PHF14: variants seen among roughly 807,000 people sequenced by gnomAD.
The protein encoded by PHF14 is PHD finger protein 14.
PHF14 carries 55 observed loss-of-function variants against 117.9 expected under a neutral mutation model. The observed-to-expected ratio is 0.47, with a 90% CI of 0.38 to 0.58. PHF14 has a LOEUF of 0.58. Ranked by LOEUF, PHF14 falls within the 20% of genes least tolerant of loss-of-function variation. The pLI, the probability that PHF14 is intolerant of heterozygous loss-of-function variation, is 0.00. For missense variants in PHF14, 978 were observed against 1,122.2 expected, an observed-to-expected ratio of 0.87 and a Z score of 1.84; for synonymous variants, 409 against 368.6, an observed-to-expected ratio of 1.11 and a Z score of -1.26.
At chr7:10,996,076 G>T (rs927731964) in intron 4 of PHF14, among the ~76,000 whole-genome samples, 1 of 152,222 alleles carries the variant, frequency 6.6e-6, no homozygotes, top group African/African-American at 2.4e-5. Flanking sequence ...CTGCCAGCAC[G>T]CTGTCACCTA....
intron 10 of PHF14, among the ~76,000 whole-genome samples, chr7:11,037,482 C>T (rs113830762): frequency 0.015 from 2,295 of 152,228 alleles, 46 homozygotes; most frequent in African/African-American, 0.053. Context: ...TGACTCTGTT[C>T]TCTATTTCTA....
chr7:11,165,450 T>C (rs1430113539), intron 17 of PHF14, among the ~76,000 whole-genome samples: 2 of 152,128 alleles, frequency 1.3e-5, no homozygotes, highest in African/African-American at 4.8e-5. Flanking sequence ...ATAAAGGTAC[T>C]TACATCAACA....
At chr7:11,106,771 A>G (rs1266705362) in intron 16 of PHF14, 3 of 984,366 alleles carry the variant, frequency 3.0e-6, no homozygotes, top group African/African-American at 3.5e-5. Context: ...ATTTTTACAC[A>G]GAAATGAAAA....
chr7:11,129,314 G>GAAGAT (rs2128348248), intron 17 of PHF14, among the ~76,000 whole-genome samples: 1 of 152,148 alleles, frequency 6.6e-6, no homozygotes, highest in Non-Finnish European at 1.5e-5. Flanking sequence ...AAAAGACCAA[G>GAAGAT]AAGATATCTG....
chr7:11,118,230 T>C lies in PHF14; in HGVS notation c.2772+6763T>C, dbSNP rs1787653962. On this transcript the variant is annotated intron_variant, in intron 17 of 17. Coordinates refer to ENST00000634607, the MANE Select transcript of PHF14 (RefSeq NM_001007157.2). ...TTACTAAAAGTCTGAGAATTAAAAC[T>C]GTGGTATGTGGTTATCCTCAAAGAT... is the stretch of plus-strand genomic sequence containing the variant. 2.6e-5 allele frequency among the ~76,000 whole-genome samples: 4 copies of C among 151,912 alleles called. No individual in the cohort carries two copies. In the South Asian group the frequency reaches 8.3e-4, roughly 31 times the overall value.
At chr7:11,150,485 A>G (rs527955897) in intron 17 of PHF14, among the ~76,000 whole-genome samples, 31 of 152,292 alleles carry the variant, frequency 2.0e-4, no homozygotes, top group African/African-American at 5.3e-4. Context: ...AATTCACGAC[A>G]TAACTACTGA....
intron 2 of PHF14, among the ~76,000 whole-genome samples, chr7:10,979,723 A>T (rs1188368441): frequency 6.6e-6 from 1 of 152,058 alleles, no homozygotes; most frequent in Non-Finnish European, 1.5e-5. Context: ...TCCAGTGCAT[A>T]TGTACAAAAA....
chr7:11,027,889 C>T lies in PHF14; in HGVS notation c.1318-792C>T, dbSNP rs114468575. On this transcript the variant is annotated intron_variant, in intron 6 of 17. Coordinates refer to ENST00000634607, the MANE Select transcript of PHF14 (RefSeq NM_001007157.2). ...TGGTTTGAAGCCTTACATTTACTTTCTTTGTTATTTTTGGCAAGCAGATTT... is the reference window on the plus strand; with the variant it reads ...TGGTTTGAAGCCTTACATTTACTTTTTTTGTTATTTTTGGCAAGCAGATTT... Among the ~76,000 whole-genome samples the T allele has an allele frequency of 2.8e-3, 433 of 151,986 alleles. 2 individuals carry two copies. Among genetic ancestry groups the T allele is most frequent in the African/African-American group, 1.0e-2 (414 of 41,484 alleles).
intron 17 of PHF14, among the ~76,000 whole-genome samples, chr7:11,144,515 A>G (rs1459796297): frequency 2.0e-5 from 3 of 150,744 alleles, no homozygotes; most frequent in South Asian, 2.1e-4. Context: ...TTGCAGCATT[A>G]TAATTAATAA....
At chr7:11,163,547 C>T (rs1017712388) in intron 17 of PHF14, among the ~76,000 whole-genome samples, 1 of 152,146 alleles carries the variant, frequency 6.6e-6, no homozygotes, top group Admixed American at 6.5e-5. Context: ...TGTAGCATAT[C>T]ACACACATTT....
chr7:11,145,759 ATAT>A (rs1313232739), intron 17 of PHF14, among the ~76,000 whole-genome samples: 2 of 152,096 alleles, frequency 1.3e-5, no homozygotes, highest in Non-Finnish European at 2.9e-5. Context: ...GATACATGGA[ATAT>A]TATTATCTTA....
In PHF14 at chr7:10,983,170, C is replaced by T. The variant is rs1262511910; in HGVS notation, c.900+11C>T. On this transcript the variant is annotated intron_variant, in intron 3 of 17. Coordinates refer to ENST00000634607, the MANE Select transcript of PHF14 (RefSeq NM_001007157.2). ...AGCAAGAGTAATGAGGTAGATCAAC[C>T]CAATTTTTATATCTGTCTGTCTGGG... 2.5e-6 allele frequency: 4 copies of T among 1,575,960 alleles called. No homozygotes were observed. The highest frequency in any genetic ancestry group is 3.4e-6 in the Non-Finnish European group (4 of 1,167,536).
intron 7 of PHF14, among the ~76,000 whole-genome samples, chr7:11,032,577 G>A (rs888597939): frequency 6.6e-6 from 1 of 151,960 alleles, no homozygotes; most frequent in Non-Finnish European, 1.5e-5. Context: ...ATCCATAGAT[G>A]GATTTTGTTT....
chr7:11,062,870 T>C, intron 16 of PHF14: 1 of 984,244 alleles, frequency 1.0e-6, no homozygotes, highest in Non-Finnish European at 1.2e-6. Flanking sequence ...TTCTTACAGT[T>C]CTTACAGGGA....
intron 16 of PHF14, chr7:11,104,692 A>G: frequency 4.4e-6 from 4 of 909,316 alleles, no homozygotes; most frequent in Non-Finnish European, 5.3e-6. Flanking sequence ...CACAGGAAGG[A>G]TTTGTAAAAA....
intron 14 of PHF14, among the ~76,000 whole-genome samples, chr7:11,060,987 G>A (rs561832639): frequency 1.3e-5 from 2 of 152,138 alleles, no homozygotes; most frequent in South Asian, 2.1e-4. Flanking sequence ...GAATTATTTG[G>A]TACCTACTCT....
chr7:11,158,047 T>C (rs958309103), intron 17 of PHF14, among the ~76,000 whole-genome samples: 14 of 152,248 alleles, frequency 9.2e-5, no homozygotes, highest in African/African-American at 3.1e-4. Flanking sequence ...GTTAACATCT[T>C]ATATAAGCAT....
At chr7:11,153,756 C>CA (rs565146415) in intron 17 of PHF14, among the ~76,000 whole-genome samples, 75 of 152,166 alleles carry the variant, frequency 4.9e-4, no homozygotes, top group African/African-American at 1.7e-3. Context: ...CCTGTATATT[C>CA]AAAATTGAGA....
At chr7:11,063,742 A>T in intron 16 of PHF14, 1 of 839,028 alleles carries the variant, frequency 1.2e-6, no homozygotes, top group Non-Finnish European at 1.4e-6. Context: ...AGTTTATGAT[A>T]GATTTCCAAC....
Sources: gnomAD v4.1 joint callset for allele counts (sites outside exome capture counted in the v4.1 genomes callset) on GRCh38, gnomAD v4.1.1 for gene constraint, MANE v1.5 for transcripts, NCBI Gene and HGNC (gene_info 2026-07-23, HGNC 2026-07-21) for gene names.